The following GTF2E2 variants were observed in gnomAD, a reference collection of about 807,000 sequenced individuals.
GTF2E2 encodes transcription initiation factor IIE subunit beta.
GTF2E2 carries 21 observed loss-of-function variants against 40.5 expected under a neutral mutation model. The ratio of observed to expected loss-of-function variants is 0.52; its 90% CI spans 0.37 to 0.75. The LOEUF is 0.75. GTF2E2 is among the 30% of genes least tolerant of loss of function. The pLI is 0.00. For missense variants in GTF2E2, 298 were observed against 338.4 expected (o/e 0.88, Z 0.94); for synonymous variants, 117 against 121.6 (o/e 0.96, Z 0.25).
intron 6 of GTF2E2, among the ~76,000 whole-genome samples, chr8:30,594,454 C>T (rs1585942902): frequency 6.6e-6 from 1 of 151,152 alleles, no homozygotes; most frequent in African/African-American, 2.4e-5. Context: ...GATAGGGTTT[C>T]ACCATGTTGG....
In GTF2E2 at chr8:30,618,239, G is replaced by C. The variant is rs185541943; in HGVS notation, c.259-3524C>G. 9.9e-5 allele frequency among the ~76,000 whole-genome samples: 12 copies of C among 121,514 alleles called. No homozygotes were observed. The Admixed American group carries it at 1.2e-3, about 12-fold the overall frequency. 79.7% of individuals were successfully genotyped at this position (121,514 alleles called of 152,430 possible). ...TTCAACTGAGGAGGCAGAGGTTGCG[G>C]TGAGCCGAGGTTGCACTATTGCACT... On this transcript the variant is annotated intron_variant, in intron 3 of 7. Transcript: ENST00000355904.
chr8:30,596,219 C>T (rs1467734512), intron 6 of GTF2E2, among the ~76,000 whole-genome samples: 1 of 152,170 alleles, frequency 6.6e-6, no homozygotes, highest in Non-Finnish European at 1.5e-5. Context: ...GTCATTACAT[C>T]TTCAAGTATT....
intron 3 of GTF2E2, among the ~76,000 whole-genome samples, chr8:30,622,210 G>C (rs772344459): frequency 2.1e-5 from 3 of 139,754 alleles, no homozygotes; most frequent in Middle Eastern, 4.3e-3. Context: ...TAGTCATGTA[G>C]GTTCTTTTCT....
intron 3 of GTF2E2, among the ~76,000 whole-genome samples, chr8:30,628,162 G>A (rs1392888007): frequency 6.6e-6 from 1 of 152,130 alleles, no homozygotes; most frequent in Non-Finnish European, 1.5e-5. Flanking sequence ...TGTGAACCTG[G>A]GTGAAGGTTC....
chr8:30,622,577 G>C (rs186981504), intron 3 of GTF2E2, among the ~76,000 whole-genome samples: 1 of 151,908 alleles, frequency 6.6e-6, no homozygotes, highest in Non-Finnish European at 1.5e-5. Context: ...GAGAGCAACC[G>C]GTCTGACCAA....
intron 1 of GTF2E2, chr8:30,657,125 CTG>C (rs887339221): frequency 1.2e-4 from 19 of 152,218 alleles, no homozygotes; most frequent in African/African-American, 4.1e-4. Flanking sequence ...TTCGCAATGT[CTG>C]TCTTTCACCA....
chr8:30,627,542 G>C (rs1801324138), intron 3 of GTF2E2, among the ~76,000 whole-genome samples: 1 of 150,202 alleles, frequency 6.7e-6, no homozygotes, highest in Admixed American at 6.7e-5. Flanking sequence ...AAGATGTCTT[G>C]AATGGGCCAG....
intron 2 of GTF2E2, among the ~76,000 whole-genome samples, chr8:30,642,995 G>A (rs769378019): frequency 5.5e-4 from 83 of 152,218 alleles, no homozygotes; most frequent in Non-Finnish European, 1.0e-3. Flanking sequence ...TGTTGCCCAC[G>A]CTGGAGTGCA....
At chr8:30,630,081 A>G (rs1286691854) in intron 3 of GTF2E2, among the ~76,000 whole-genome samples, 1 of 152,254 alleles carries the variant, frequency 6.6e-6, no homozygotes, top group Non-Finnish European at 1.5e-5. Context: ...TTTGTTTTAC[A>G]TTAACCATTT....
intron 1 of GTF2E2, among the ~76,000 whole-genome samples, chr8:30,653,854 C>T (rs1343517143): frequency 6.6e-6 from 1 of 151,960 alleles, no homozygotes; most frequent in African/African-American, 2.4e-5. Flanking sequence ...TTTGGGAAGC[C>T]GAGGTGGGCA....
intron 2 of GTF2E2, among the ~76,000 whole-genome samples, chr8:30,650,073 G>A (rs749524028): frequency 1.3e-5 from 2 of 152,068 alleles, no homozygotes; most frequent in Non-Finnish European, 2.9e-5. Context: ...GGTGAAAAGG[G>A]AGCACTTCAC....
At chr8:30,622,787 T>G (rs908721461) in intron 3 of GTF2E2, among the ~76,000 whole-genome samples, 3 of 152,022 alleles carry the variant, frequency 2.0e-5, no homozygotes, top group African/African-American at 7.3e-5. Flanking sequence ...TTTCTCCCAT[T>G]TGCTTTTGAA....
At chr8:30,592,033 A>G (rs1200530538) in intron 6 of GTF2E2, among the ~76,000 whole-genome samples, 2 of 152,142 alleles carry the variant, frequency 1.3e-5, no homozygotes, top group African/African-American at 2.4e-5. Context: ...TAATGCAACA[A>G]TGTTTTTACC....
chr8:30,591,311 C>A (rs1039543396), intron 6 of GTF2E2, among the ~76,000 whole-genome samples: 2 of 151,970 alleles, frequency 1.3e-5, no homozygotes, highest in South Asian at 2.1e-4. Context: ...CAGAGTAAGA[C>A]CCTGCCTCTA....
chr8:30,624,918 T>C lies in GTF2E2; in HGVS notation c.258+10114A>G, dbSNP rs1294534809. On this transcript the variant is annotated intron_variant, in intron 3 of 7. Coordinates refer to ENST00000355904, the MANE Select transcript of GTF2E2 (RefSeq NM_002095.6). ...TTAAGGAGATTTTGGGCTGAGATGA[T>C]GGGGTTTTCTAGATATACAATCATG... is the stretch of plus-strand genomic sequence containing the variant. Among the ~76,000 whole-genome samples, 6 of 151,856 alleles carry C rather than the reference T, an allele frequency of 4.0e-5. No individual in the cohort carries two copies. In the East Asian group the frequency reaches 7.7e-4, roughly 20 times the overall value.
At chr8:30,614,738 T>C (rs773966002) in intron 3 of GTF2E2, 23 bp from the exon 4 acceptor site, 5 of 1,367,750 alleles carry the variant, frequency 3.7e-6, no homozygotes, top group South Asian at 1.2e-5. Context: ...GAAATTGTTA[T>C]TAGAAGACAG....
intron 6 of GTF2E2, among the ~76,000 whole-genome samples, chr8:30,588,395 AAAAG>A (rs1263939951): frequency 3.3e-5 from 5 of 152,234 alleles, no homozygotes; most frequent in Admixed American, 3.3e-4. Flanking sequence ...TTAGCCTTAA[AAAAG>A]AAAGGAATTC....
chr8:30,606,391 T>C (rs1829316687), intron 6 of GTF2E2, among the ~76,000 whole-genome samples: 1 of 152,196 alleles, frequency 6.6e-6, no homozygotes, highest in South Asian at 2.1e-4. Context: ...TGTCCAATTA[T>C]TTTCCTGCCA....
At chr8:30,612,543 T>A in intron 4 of GTF2E2, 62 bp from the exon 5 acceptor site, 1 of 975,984 alleles carries the variant, frequency 1.0e-6, no homozygotes, top group Non-Finnish European at 1.5e-6. Context: ...ATATATATTT[T>A]TGAAACGTAA....
Sources: gnomAD v4.1 joint callset for allele counts (sites outside exome capture counted in the v4.1 genomes callset) on GRCh38, gnomAD v4.1.1 for gene constraint, MANE v1.5 for transcripts, NCBI Gene and HGNC (gene_info 2026-07-23, HGNC 2026-07-21) for gene names.